Variants in STXBP5L observed in about 807,000 individuals in gnomAD.
STXBP5L encodes the protein syntaxin-binding protein 5-like.
Under a neutral mutation model 144.5 loss-of-function variants are expected in STXBP5L, and 65 were observed. The ratio of observed to expected loss-of-function variants is 0.45; its 90% CI spans 0.37 to 0.55. STXBP5L has a LOEUF of 0.55. Ranked by LOEUF, STXBP5L falls within the 20% of genes least tolerant of loss-of-function variation. The pLI, the probability that STXBP5L is intolerant of heterozygous loss-of-function variation, is 0.00. For synonymous variants in STXBP5L, 505 were observed against 469.6 expected (o/e 1.08, Z -0.97); for missense variants, 1,298 against 1,405.5 (o/e 0.92, Z 1.22).
chr3:121,317,873 C>T (rs985987409), intron 19 of STXBP5L, among the ~76,000 whole-genome samples: 2 of 151,904 alleles, frequency 1.3e-5, no homozygotes, highest in African/African-American at 4.8e-5. Flanking sequence ...TACAATACTA[C>T]ATTTTTATAA....
chr3:121,416,172 A>G (rs1380655698), intron 25 of STXBP5L, among the ~76,000 whole-genome samples: 1 of 152,086 alleles, frequency 6.6e-6, no homozygotes, highest in East Asian at 1.9e-4. Context: ...TGGTCACTTC[A>G]TATTAGGAAA....
At chr3:121,247,132 C>T (rs577861289) in intron 14 of STXBP5L, among the ~76,000 whole-genome samples, 85 of 152,198 alleles carry the variant, frequency 5.6e-4, no homozygotes, top group Middle Eastern at 3.4e-3. Flanking sequence ...GTGACTAACC[C>T]CCTCTCAAAA....
At chr3:121,056,496 T>C (rs542686389) in intron 5 of STXBP5L, among the ~76,000 whole-genome samples, 1 of 152,336 alleles carries the variant, frequency 6.6e-6, no homozygotes, top group South Asian at 2.1e-4. Context: ...CTCCATAATT[T>C]ATGAAATCTC....
chr3:121,206,982 C>T (rs1407550494), intron 10 of STXBP5L, among the ~76,000 whole-genome samples: 18 of 152,016 alleles, frequency 1.2e-4, no homozygotes, highest in East Asian at 3.8e-4. Context: ...ATAATATGAA[C>T]ATTTTATAAT....
chr3:121,074,070 G>T (rs1205498555), intron 5 of STXBP5L, among the ~76,000 whole-genome samples: 1 of 152,116 alleles, frequency 6.6e-6, no homozygotes, highest in Non-Finnish European at 1.5e-5. Flanking sequence ...AGGACACAGG[G>T]GTCACTTGGT....
intron 9 of STXBP5L, among the ~76,000 whole-genome samples, chr3:121,186,490 G>A (rs900801604): frequency 2.0e-5 from 3 of 152,172 alleles, no homozygotes; most frequent in Admixed American, 6.5e-5. Context: ...TTTATTGAGA[G>A]TTTGTAGCAT....
At chr3:121,183,193 A>G (rs2047228745) in intron 9 of STXBP5L, among the ~76,000 whole-genome samples, 1 of 152,232 alleles carries the variant, frequency 6.6e-6, no homozygotes, top group African/African-American at 2.4e-5. Flanking sequence ...GTCATACTGA[A>G]TAGGGAAAAG....
chr3:121,408,799 G>A (rs995491828), intron 23 of STXBP5L, among the ~76,000 whole-genome samples: 36 of 151,936 alleles, frequency 2.4e-4, no homozygotes, highest in African/African-American at 8.2e-4. Context: ...TGAAGGCAAC[G>A]AGGAAACAGG....
chr3:121,071,508 G>C (rs2041811103), intron 5 of STXBP5L, among the ~76,000 whole-genome samples: 1 of 152,186 alleles, frequency 6.6e-6, no homozygotes, highest in Non-Finnish European at 1.5e-5. Context: ...TCTTGGTTTT[G>C]TTGACTGGTC....
At chr3:120,974,989 T>G (rs567203963) in intron 3 of STXBP5L, among the ~76,000 whole-genome samples, 34 of 152,296 alleles carry the variant, frequency 2.2e-4, no homozygotes, top group African/African-American at 7.9e-4. Flanking sequence ...TGCCTCCAGC[T>G]TTGTTCTTTT....
At chr3:121,329,935 AC>A in intron 20 of STXBP5L, among the ~76,000 whole-genome samples, 1 of 152,196 alleles carries the variant, frequency 6.6e-6, no homozygotes, top group Admixed American at 6.5e-5. Flanking sequence ...ATAAAGATAC[AC>A]TTATTTAATG....
At chr3:121,324,691 G>A (rs2044086687) in intron 20 of STXBP5L, 3 of 561,936 alleles carry the variant, frequency 5.3e-6, no homozygotes, top group Non-Finnish European at 3.1e-6. Context: ...TGTTGTGGTG[G>A]AAACACAAGT....
chr3:121,399,280 C>G (rs1256319945), intron 22 of STXBP5L, among the ~76,000 whole-genome samples: 1 of 152,160 alleles, frequency 6.6e-6, no homozygotes, highest in African/African-American at 2.4e-5. Context: ...TAAGAGTACT[C>G]GGGTGTCCTC....
Position 121,381,523 on chromosome 3 carries a change from T to C in STXBP5L, c.2578T>C (p.Leu860=). The change falls in exon 22 of 27, where the codon TTG becomes CTG. Residue 860 remains leucine (L), a synonymous_variant. Coordinates refer to ENST00000471454, the MANE Select transcript of STXBP5L (RefSeq NM_001308330.2). ...EQRFTEPVMV[L]PSGTFLSLKG... ...AAGGTTTACAGAGCCAGTCATGGTA[T>C]TGCCAAGTGGTAAGAGTTTGTATTC... 1 of 1,592,306 alleles carries C rather than the reference T, an allele frequency of 6.3e-7. No individual in the cohort carries two copies. Among genetic ancestry groups the C allele is most frequent in the Non-Finnish European group, 8.5e-7 (1 of 1,173,912 alleles).
chr3:121,329,074 T>C (rs1029307065), intron 20 of STXBP5L, among the ~76,000 whole-genome samples: 1 of 152,058 alleles, frequency 6.6e-6, no homozygotes, highest in South Asian at 2.1e-4. Context: ...ATAATGTACA[T>C]TTGTATCTGT....
chr3:120,925,680 A>G (rs1425616188), intron 2 of STXBP5L, among the ~76,000 whole-genome samples: 4 of 152,188 alleles, frequency 2.6e-5, no homozygotes, highest in Admixed American at 6.5e-5. Flanking sequence ...CTGCCATACT[A>G]TTGCATGTTT....
intron 3 of STXBP5L, among the ~76,000 whole-genome samples, chr3:120,995,616 C>T (rs1447989239): frequency 2.0e-5 from 3 of 151,986 alleles, no homozygotes; most frequent in Admixed American, 2.0e-4. Context: ...TAAATTATCA[C>T]AGTCTACAGT....
At chr3:121,034,155 A>C (rs1361620125) in intron 3 of STXBP5L, among the ~76,000 whole-genome samples, 1 of 152,090 alleles carries the variant, frequency 6.6e-6, no homozygotes, top group Non-Finnish European at 1.5e-5. Flanking sequence ...AAATTTATAT[A>C]CATTTAAGGG....
chr3:121,126,375 G>T (rs1368253053), intron 7 of STXBP5L, among the ~76,000 whole-genome samples: 1 of 152,128 alleles, frequency 6.6e-6, no homozygotes, highest in Non-Finnish European at 1.5e-5. Context: ...TAAAAAGTTT[G>T]CCAACTCCTG....
Sources: gnomAD v4.1 joint callset for allele counts (sites outside exome capture counted in the v4.1 genomes callset) on GRCh38, gnomAD v4.1.1 for gene constraint, MANE v1.5 for transcripts, NCBI Gene and HGNC (gene_info 2026-07-23, HGNC 2026-07-21) for gene names.